Variants in OLA1 observed in about 807,000 individuals in gnomAD.
The protein encoded by OLA1 is obg-like ATPase 1.
Under a neutral mutation model 48.4 loss-of-function variants are expected in OLA1, and 14 were observed. The ratio of observed to expected loss-of-function variants is 0.29; its 90% CI spans 0.19 to 0.45. The LOEUF is 0.45. Ranked by LOEUF, OLA1 falls within the 20% of genes least tolerant of loss-of-function variation. The probability of loss-of-function intolerance (pLI) is 1.00; values close to 1 mark genes in which losing one functional copy is unlikely to be tolerated. For missense variants in OLA1, 325 were observed against 467.1 expected (o/e 0.70, Z 2.80); for synonymous variants, 127 against 150.4 (o/e 0.84, Z 1.14).
chr2:174,119,069 A>T (rs1685849193), intron 7 of OLA1, among the ~76,000 whole-genome samples: 1 of 152,068 alleles, frequency 6.6e-6, no homozygotes, highest in South Asian at 2.1e-4. Flanking sequence ...AATATATTCA[A>T]ATGCAAAAGT....
chr2:174,187,673 T>C (rs947014532), intron 4 of OLA1, among the ~76,000 whole-genome samples: 1 of 152,256 alleles, frequency 6.6e-6, no homozygotes, highest in African/African-American at 2.4e-5. Flanking sequence ...TTTCCTCCGA[T>C]GTGACTTCTT....
At chr2:174,238,494 CAA>C (rs34395720) in intron 2 of OLA1, among the ~76,000 whole-genome samples, 1,782 of 106,662 alleles carry the variant, frequency 0.017, 26 homozygotes, top group East Asian at 0.055. Flanking sequence ...ACTCTATGTC[CAA>C]AAAAAAAAAA....
At chr2:174,237,522 G>C (rs553973074) in intron 2 of OLA1, among the ~76,000 whole-genome samples, 10 of 152,270 alleles carry the variant, frequency 6.6e-5, no homozygotes, top group Non-Finnish European at 1.5e-5. Flanking sequence ...CTGAGGCAAA[G>C]AGATCGCTTG....
chr2:174,146,797 T>G (rs1384710801), intron 4 of OLA1, among the ~76,000 whole-genome samples: 1 of 152,132 alleles, frequency 6.6e-6, no homozygotes, highest in East Asian at 1.9e-4. Flanking sequence ...AGAGCTAAAT[T>G]TTAGCTTTTC....
chr2:174,237,761 A>T (rs1688892495), intron 2 of OLA1, among the ~76,000 whole-genome samples: 1 of 152,202 alleles, frequency 6.6e-6, no homozygotes, highest in Non-Finnish European at 1.5e-5. Context: ...CTCAAAAAAC[A>T]AACAAACAAA....
chr2:174,095,325 G>GTTTTTTT (rs1205716344), intron 7 of OLA1, among the ~76,000 whole-genome samples: 316 of 77,908 alleles, frequency 4.1e-3, no homozygotes, highest in Non-Finnish European at 5.5e-3. Context: ...GTTATTTCCT[G>GTTTTTTT]TTTTTTTTTT....
Position 174,082,052 on chromosome 2 carries a change from A to C in OLA1, c.741T>G (p.Ile247Met). Residue 247 changes from isoleucine to methionine, a missense_variant, in exon 8 of 11, where the codon ATT (isoleucine) becomes ATG (methionine). Transcript: ENST00000284719. ...IRKKNKWLIK[I>M]KEWVDKYDPG... ...GGTCATACTTGTCCACCCACTCTTTAATTTTTATCAACCTGTAGACAAAAA... is the reference window on the plus strand; with the variant it reads ...GGTCATACTTGTCCACCCACTCTTTCATTTTTATCAACCTGTAGACAAAAA... 6.2e-7 allele frequency: 1 copy of C among 1,613,272 alleles called. No individual in the cohort carries two copies.
intron 4 of OLA1, among the ~76,000 whole-genome samples, chr2:174,168,420 T>C (rs1007223350): frequency 6.6e-6 from 1 of 151,750 alleles, no homozygotes; most frequent in African/African-American, 2.4e-5. Flanking sequence ...GCTACACATA[T>C]GAGAGAAAAA....
chr2:174,187,414 A>C (rs1035108490), intron 4 of OLA1, among the ~76,000 whole-genome samples: 1 of 152,238 alleles, frequency 6.6e-6, no homozygotes, highest in Non-Finnish European at 1.5e-5. Flanking sequence ...TTGCTGTGAG[A>C]GCCAAAAGCT....
chr2:174,082,369 A>G (rs924696848), intron 7 of OLA1, among the ~76,000 whole-genome samples: 1 of 152,180 alleles, frequency 6.6e-6, no homozygotes, highest in Non-Finnish European at 1.5e-5. Flanking sequence ...ACCCTTGAAT[A>G]AAGCTTCCAT....
intron 4 of OLA1, among the ~76,000 whole-genome samples, chr2:174,153,930 A>G (rs758075695): frequency 8.5e-5 from 13 of 152,298 alleles, no homozygotes; most frequent in Non-Finnish European, 1.5e-4. Flanking sequence ...GCAGTGGCAC[A>G]ATCACGACTC....
At chr2:174,076,747 A>G (rs994546648) in intron 10 of OLA1, among the ~76,000 whole-genome samples, 1 of 150,930 alleles carries the variant, frequency 6.6e-6, no homozygotes, top group Non-Finnish European at 1.5e-5. Flanking sequence ...TTAAAGGCAT[A>G]TGTGTGTGTG....
chr2:174,091,747 A>G (rs9636295), intron 7 of OLA1, among the ~76,000 whole-genome samples: 23,850 of 151,134 alleles, frequency 0.16, 1,964 homozygotes, highest in East Asian at 0.21. Flanking sequence ...GGTGGCGGGC[A>G]CCTGTAGTCC....
intron 7 of OLA1, among the ~76,000 whole-genome samples, chr2:174,083,873 GAACT>G (rs777972270): frequency 6.6e-6 from 1 of 152,086 alleles, no homozygotes; most frequent in Non-Finnish European, 1.5e-5. Flanking sequence ...ATGGTCAACA[GAACT>G]AATAAAACTA....
At chr2:174,156,929 C>T (rs1278468324) in intron 4 of OLA1, among the ~76,000 whole-genome samples, 1 of 151,128 alleles carries the variant, frequency 6.6e-6, no homozygotes, top group East Asian at 1.9e-4. Flanking sequence ...TGTTGAAGAT[C>T]TAATAGCTTG....
chr2:174,220,023 T>C (rs12474789), intron 4 of OLA1, among the ~76,000 whole-genome samples: 20,206 of 151,932 alleles, frequency 0.13, 1,513 homozygotes, highest in East Asian at 0.21. Context: ...TCCCAGGTAT[T>C]GGAGAGGTTG....
chr2:174,108,006 T>C (rs1685552979), intron 7 of OLA1, among the ~76,000 whole-genome samples: 1 of 152,136 alleles, frequency 6.6e-6, no homozygotes, highest in African/African-American at 2.4e-5. Flanking sequence ...TGTAGTACAA[T>C]ATTATCTCTT....
chr2:174,151,133 A>C lies in OLA1; in HGVS notation c.374-9133T>G, dbSNP rs1434588403. On this transcript the variant is annotated intron_variant, in intron 4 of 10. Coordinates refer to ENST00000284719, the MANE Select transcript of OLA1 (RefSeq NM_013341.5). ...TTCTAGTCATAGGGAGCCAATCATGAGTCTTACATGAATGAGTAATACAGA... is the reference window on the plus strand; with the variant it reads ...TTCTAGTCATAGGGAGCCAATCATGCGTCTTACATGAATGAGTAATACAGA... 2.6e-5 allele frequency among the ~76,000 whole-genome samples: 4 copies of C among 152,150 alleles called. No individual in the cohort carries two copies. In the East Asian group the frequency reaches 7.7e-4, roughly 29 times the overall value.
chr2:174,185,753 C>T (rs1231960741), intron 4 of OLA1, among the ~76,000 whole-genome samples: 1 of 152,010 alleles, frequency 6.6e-6, no homozygotes, highest in Non-Finnish European at 1.5e-5. Flanking sequence ...CATGGCAAAA[C>T]CTCGTTTCTA....
Sources: gnomAD v4.1 joint callset for allele counts (sites outside exome capture counted in the v4.1 genomes callset) on GRCh38, gnomAD v4.1.1 for gene constraint, MANE v1.5 for transcripts, NCBI Gene and HGNC (gene_info 2026-07-23, HGNC 2026-07-21) for gene names.